The following ZNF892 variants were observed in gnomAD, a reference collection of about 807,000 sequenced individuals.
ZNF892 encodes the protein zinc finger protein 570-like.
the ZNF892 span, among the ~76,000 whole-genome samples, chr2:95,257,960 G>A: frequency 5.2e-3 from 790 of 152,234 alleles, 9 homozygotes; most frequent in African/African-American, 0.017. Flanking sequence ...TCCAGGTGCC[G>A]TCTGTCACCC....
the ZNF892 span, among the ~76,000 whole-genome samples, chr2:95,233,325 G>A: frequency 2.0e-5 from 3 of 150,954 alleles, no homozygotes; most frequent in South Asian, 4.2e-4. Context: ...TCAGCCTCCC[G>A]GGTGGCTGGG....
chr2:95,223,328 T>C, the ZNF892 span, among the ~76,000 whole-genome samples: 1 of 152,230 alleles, frequency 6.6e-6, no homozygotes, highest in Non-Finnish European at 1.5e-5. Context: ...GATTTGAATG[T>C]TTTCCCATTA....
the ZNF892 span, among the ~76,000 whole-genome samples, chr2:95,233,399 C>A: frequency 1.3e-5 from 2 of 151,508 alleles, no homozygotes; most frequent in South Asian, 4.2e-4. Context: ...CTCGGCCGGG[C>A]GCGGTGGCTC....
chr2:95,252,520 A>G, the ZNF892 span, among the ~76,000 whole-genome samples: 1 of 152,076 alleles, frequency 6.6e-6, no homozygotes, highest in Non-Finnish European at 1.5e-5. Context: ...AGTCTTTGCT[A>G]TTGTGAATAG....
the ZNF892 span, among the ~76,000 whole-genome samples, chr2:95,235,025 T>C: frequency 1.3e-5 from 2 of 152,150 alleles, no homozygotes; most frequent in African/African-American, 2.4e-5. Context: ...TGAACTGAAT[T>C]GGAGGTCACC....
chr2:95,238,757 GC>G, the ZNF892 span, among the ~76,000 whole-genome samples: 1 of 152,168 alleles, frequency 6.6e-6, no homozygotes, highest in African/African-American at 2.4e-5. Context: ...GCTGATTTCA[GC>G]TCTCATGGAT....
chr2:95,242,014 TACG>T, the ZNF892 span, among the ~76,000 whole-genome samples: 1 of 152,150 alleles, frequency 6.6e-6, no homozygotes, highest in Admixed American at 6.5e-5. Flanking sequence ...AGACTGAAGT[TACG>T]ACTGATTGGG....
the ZNF892 span, among the ~76,000 whole-genome samples, chr2:95,260,909 T>G: frequency 1.3e-5 from 2 of 152,196 alleles, no homozygotes; most frequent in Non-Finnish European, 2.9e-5. Context: ...GAGTCCTCAG[T>G]GGCTCATGAA....
chr2:95,210,217 A>G, the ZNF892 span, among the ~76,000 whole-genome samples: 2 of 147,126 alleles, frequency 1.4e-5, no homozygotes, highest in Non-Finnish European at 3.0e-5. Flanking sequence ...ATGTGTATAT[A>G]TGTATATATA....
chr2:95,247,706 A>C, the ZNF892 span, among the ~76,000 whole-genome samples: 1 of 152,226 alleles, frequency 6.6e-6, no homozygotes, highest in East Asian at 1.9e-4. Context: ...TTCTCAAAAA[A>C]AGACATACAA....
the ZNF892 span, among the ~76,000 whole-genome samples, chr2:95,218,232 A>G: frequency 2.6e-5 from 4 of 152,228 alleles, no homozygotes; most frequent in African/African-American, 9.7e-5. Context: ...AGAATTTTCA[A>G]ATCTCTTTAA....
At chr2:95,236,605 C>G in the ZNF892 span, among the ~76,000 whole-genome samples, 1 of 152,156 alleles carries the variant, frequency 6.6e-6, no homozygotes, top group Admixed American at 6.5e-5. Context: ...TTGTCAGGAG[C>G]CTGTATCATT....
the ZNF892 span, among the ~76,000 whole-genome samples, chr2:95,248,156 T>TA: frequency 1.3e-5 from 2 of 152,134 alleles, no homozygotes; most frequent in Non-Finnish European, 2.9e-5. Context: ...TATGCAGCTG[T>TA]AAAAAAGAAT....
chr2:95,260,284 T>C, the ZNF892 span, among the ~76,000 whole-genome samples: 1 of 152,218 alleles, frequency 6.6e-6, no homozygotes, highest in African/African-American at 2.4e-5. Context: ...CCACCCTTTT[T>C]TGCTGACCTT....
chr2:95,231,975 A>G, the ZNF892 span: 1 of 152,106 alleles, frequency 6.6e-6, no homozygotes, highest in African/African-American at 2.4e-5. Flanking sequence ...TTAGCTGGAC[A>G]TTTTTTATCT....
the ZNF892 span, chr2:95,259,892 T>G: frequency 6.6e-6 from 1 of 152,422 alleles, no homozygotes; most frequent in Non-Finnish European, 1.5e-5. Context: ...GGATTCCAGC[T>G]GTTCCCCACC....
the ZNF892 span, among the ~76,000 whole-genome samples, chr2:95,210,313 G>A: frequency 6.6e-6 from 1 of 151,564 alleles, no homozygotes; most frequent in Non-Finnish European, 1.5e-5. Flanking sequence ...AGTTTAAAGA[G>A]CGGTAAAACT....
chr2:95,261,702 T>C, the ZNF892 span, among the ~76,000 whole-genome samples: 2 of 152,238 alleles, frequency 1.3e-5, no homozygotes, highest in Non-Finnish European at 2.9e-5. Flanking sequence ...CAGAATCCTC[T>C]ACTGTGCTGA....
chr2:95,215,362 A>G, the ZNF892 span: 1 of 459,902 alleles, frequency 2.2e-6, no homozygotes, highest in South Asian at 6.5e-5. Flanking sequence ...ACTGGAGAGA[A>G]ACCTTACAAA....
Sources: gnomAD v4.1 joint callset for allele counts (sites outside exome capture counted in the v4.1 genomes callset) on GRCh38, gnomAD v4.1.1 for gene constraint, MANE v1.5 for transcripts, NCBI Gene and HGNC (gene_info 2026-07-23, HGNC 2026-07-21) for gene names.